Variants in GPATCH3 observed in about 807,000 individuals in gnomAD.
GPATCH3 encodes the protein G patch domain-containing protein 3.
GPATCH3 carries 45 observed loss-of-function variants against 53.2 expected under a neutral mutation model. The ratio of observed to expected loss-of-function variants is 0.85; its 90% CI spans 0.67 to 1.08. The LOEUF is 1.08. Ranked by LOEUF, GPATCH3 falls within the 50% of genes least tolerant of loss-of-function variation. GPATCH3 has a pLI of 0.00. For synonymous variants in GPATCH3, 280 were observed against 270.6 expected, an observed-to-expected ratio of 1.03 and a Z score of -0.34; for missense variants, 680 against 687.2, an observed-to-expected ratio of 0.99 and a Z score of 0.12.
At chr1:26,896,977 G>A (rs534840507) in intron 2 of GPATCH3, among the ~76,000 whole-genome samples, 63 of 150,650 alleles carry the variant, frequency 4.2e-4, no homozygotes, top group African/African-American at 1.5e-3. Context: ...AGCCGAGATC[G>A]TGCCACTGCA....
chr1:26,893,951 G>A (rs745824557), intron 3 of GPATCH3, among the ~76,000 whole-genome samples: 11 of 151,960 alleles, frequency 7.2e-5, no homozygotes, highest in Non-Finnish European at 1.0e-4. Context: ...TAAGTAGTTC[G>A]GACTACAGGC....
Position 26,900,026 on chromosome 1 carries a change from G to A in GPATCH3, c.417C>T (p.Leu139=). The change falls in exon 1 of 7, where the codon CTC becomes CTT. Residue 139 remains leucine (L), a synonymous_variant. Coordinates refer to ENST00000361720, the MANE Select transcript of GPATCH3 (RefSeq NM_022078.3). The part of the protein sequence containing the change: ...SHGTWLPGRC[L]IRRLRLPTEA... ...CCGTAGGTAGCCGAAGTCTGCGGAT[G>A]AGACAGCGACCCGGTAGCCAAGTCC... 6.2e-7 allele frequency: 1 copy of A among 1,614,184 alleles called. No homozygotes were observed. Among genetic ancestry groups the A allele is most frequent in the South Asian group, 1.1e-5 (1 of 91,082 alleles).
intron 6 of GPATCH3, 29 bp downstream of exon 6, chr1:26,892,382 C>A: frequency 1.2e-6 from 2 of 1,600,094 alleles, no homozygotes; most frequent in Non-Finnish European, 1.7e-6. Context: ...AGGCTTGGGC[C>A]CCCAGGGAAG....
rs1238378743 is a variant in GPATCH3, at chr1:26,900,292, G to T, written c.151C>A (p.His51Asn). Residue 51 changes from histidine (H) to asparagine (N), a missense_variant, in exon 1 of 7, where the codon CAT becomes AAT. By Grantham distance (68) the His-to-Asn change is moderately conservative. Coordinates refer to ENST00000361720, the MANE Select transcript of GPATCH3 (RefSeq NM_022078.3). ...TGCGGAGGGGCCCGCTCAGGCCGAT[G>T]CCGGTAGTGGAAACAGAGGAAGCCA... ...GGGFLCFHYRHRPERAPPQAA... is the reference protein window; with the variant it reads ...GGGFLCFHYRNRPERAPPQAA... 1 of 1,613,988 alleles carries T rather than the reference G, an allele frequency of 6.2e-7. No individual in the cohort carries two copies. The highest frequency in any genetic ancestry group is 1.7e-5 in the Admixed American group (1 of 60,018).
chr1:26,900,146 G>C lies in GPATCH3; in HGVS notation c.297C>G (p.Thr99=), dbSNP rs1444532094. 3.1e-6 allele frequency: 5 copies of C among 1,614,198 alleles called. No individual in the cohort carries two copies. Among genetic ancestry groups the C allele is most frequent in the Non-Finnish European group, 3.4e-6 (4 of 1,180,054 alleles). The change falls in exon 1 of 7, where the codon ACC becomes ACG. Residue 99 remains threonine, a synonymous_variant. Coordinates refer to ENST00000361720, the MANE Select transcript of GPATCH3 (RefSeq NM_022078.3). ...LSTRDSTPIQ[T]RTCCCVISVR... Reference sequence around the variant, plus strand: ...CCGAGATGACGCAGCAGCAGGTGCGGGTCTGGATTGGAGTAGAGTCTCGAG... The same window carrying C: ...CCGAGATGACGCAGCAGCAGGTGCGCGTCTGGATTGGAGTAGAGTCTCGAG...
Position 26,899,997 on chromosome 1 carries a change from G to A in GPATCH3, c.446C>T (p.Ala149Val), listed in dbSNP as rs1323418479. 1.9e-6 allele frequency: 3 copies of A among 1,613,872 alleles called. No homozygotes were observed. In the Admixed American group the frequency reaches 5.0e-5, roughly 27 times the overall value. ...ATTAACTTTCTCACTCTTACCTGAT[G>A]CCTCCGTAGGTAGCCGAAGTCTGCG... The part of the protein sequence containing the change: ...LIRRLRLPTE[A>V]SGLGSFPFKT... Residue 149 changes from alanine (A) to valine (V), a missense_variant, in exon 1 of 7, where the codon GCA (alanine) becomes GTA (valine). Ala to Val is a moderately conservative substitution (Grantham distance 64). Transcript: ENST00000361720.
chr1:26,890,939 G>A lies in GPATCH3; in HGVS notation c.*71C>T, dbSNP rs1222737074. ...GACTGCTGCTCCCAGACTCCTTTCTGCTTCAGTGGTAGATGAGGCCAGGGC... is the reference window on the plus strand; with the variant it reads ...GACTGCTGCTCCCAGACTCCTTTCTACTTCAGTGGTAGATGAGGCCAGGGC... On this transcript the variant is annotated 3_prime_UTR_variant, in exon 7 of 7. Coordinates refer to ENST00000361720, the MANE Select transcript of GPATCH3 (RefSeq NM_022078.3). 1 of 1,380,370 alleles carries A rather than the reference G, an allele frequency of 7.2e-7. No individual in the cohort carries two copies. Among genetic ancestry groups the A allele is most frequent in the Non-Finnish European group, 1.0e-6 (1 of 967,880 alleles). The allele number at this position is 1,380,370 out of a possible 1,614,324, so 85.5% of individuals were successfully genotyped here.
Position 26,892,433 on chromosome 1 carries a change from G to C in GPATCH3, c.1339C>G (p.Pro447Ala), listed in dbSNP as rs373553144. 8.7e-6 allele frequency: 14 copies of C among 1,613,518 alleles called. No homozygotes were observed. Among genetic ancestry groups the C allele is most frequent in the Non-Finnish European group, 1.2e-5 (14 of 1,179,800 alleles). ...PEALDSDGQHPRCKRGLGYHG... is the reference protein window; with the variant it reads ...PEALDSDGQHARCKRGLGYHG... The stretch of plus-strand genomic sequence containing the variant: ...TACCCCAATCCACGCTTGCATCTGG[G>C]GTGTTGGCCATCACTATCCAGGGCC... The change falls in exon 6 of 7, where the codon CCC becomes GCC. Residue 447 changes from proline to alanine, a missense_variant. Physicochemically the swap from Pro to Ala is conservative, Grantham distance 27. Coordinates refer to ENST00000361720, the MANE Select transcript of GPATCH3 (RefSeq NM_022078.3).
At chr1:26,894,460 C>T (rs772402002) in intron 2 of GPATCH3, 50 bp from the exon 3 acceptor site, 40 of 1,570,374 alleles carry the variant, frequency 2.5e-5, no homozygotes, top group South Asian at 2.3e-5. Context: ...CCTCATGCCC[C>T]GAGGGAGGGA....
Position 26,895,609 on chromosome 1 carries a change from G to A in GPATCH3, c.877-1199C>T, listed in dbSNP as rs541625245. On this transcript the variant is annotated intron_variant, in intron 2 of 6. Coordinates refer to ENST00000361720, the MANE Select transcript of GPATCH3 (RefSeq NM_022078.3). ...GTCAGGATGGTACCACACTAGGGAT[G>A]TGGTCCAGATGTCTTAGCAATCTTG... is the stretch of plus-strand genomic sequence containing the variant. 2.3e-3 allele frequency among the ~76,000 whole-genome samples: 350 copies of A among 150,826 alleles called. 1 individual carries two copies. The highest frequency in any genetic ancestry group is 8.1e-3 in the African/African-American group (333 of 41,190).
chr1:26,892,361 G>T (rs1373872228), intron 6 of GPATCH3, 50 bp downstream of exon 6: 5 of 1,588,688 alleles, frequency 3.1e-6, no homozygotes, highest in Non-Finnish European at 4.3e-6. Context: ...GGAAACCAGG[G>T]CATAGCTGAA....
At chr1:26,893,062 C>A (rs1570698871) in intron 4 of GPATCH3, among the ~76,000 whole-genome samples, 3 of 152,184 alleles carry the variant, frequency 2.0e-5, no homozygotes, top group Admixed American at 6.5e-5. Context: ...CTATTTCCCC[C>A]ACCCGGGTCA....
chr1:26,893,652 C>G (rs1382611446), intron 3 of GPATCH3, among the ~76,000 whole-genome samples: 1 of 149,284 alleles, frequency 6.7e-6, no homozygotes, highest in Non-Finnish European at 1.5e-5. Context: ...TCCCAAGTAG[C>G]TGGGACTACA....
chr1:26,895,642 GC>G (rs1557660365), intron 2 of GPATCH3, among the ~76,000 whole-genome samples: 1 of 150,448 alleles, frequency 6.6e-6, no homozygotes, highest in Non-Finnish European at 1.5e-5. Context: ...TTGGCTGGGA[GC>G]TTTTTTTTTT....
Position 26,890,725 on chromosome 1 carries a change from A to G in GPATCH3, c.*285T>C, listed in dbSNP as rs529989728. 1.5e-5 allele frequency: 9 copies of G among 610,496 alleles called. No homozygotes were observed. In the African/African-American group the frequency reaches 1.6e-4, roughly 11 times the overall value. The allele number at this position is 610,496 out of a possible 1,614,324, so 37.8% of individuals were successfully genotyped here. On this transcript the variant is annotated 3_prime_UTR_variant, in exon 7 of 7. Transcript: ENST00000361720. Reference sequence around the variant, plus strand: ...CTGTGCTGATAGCCTCACTCAACCCAGCTTTTCAAAGTTCTGCAGGAGGCA... The same window carrying G: ...CTGTGCTGATAGCCTCACTCAACCCGGCTTTTCAAAGTTCTGCAGGAGGCA...
Position 26,890,922 on chromosome 1 carries a change from C to T in GPATCH3, c.*88G>A. 1 of 1,238,596 alleles carries T rather than the reference C, an allele frequency of 8.1e-7. No individual in the cohort carries two copies. The highest frequency in any genetic ancestry group is 1.7e-5 in the Admixed American group (1 of 59,386). 76.7% of individuals were successfully genotyped at this position (1,238,596 alleles called of 1,614,324 possible). ...CCTGAACCAGCCACGAAGACTGCTGCTCCCAGACTCCTTTCTGCTTCAGTG... is the reference window on the plus strand; with the variant it reads ...CCTGAACCAGCCACGAAGACTGCTGTTCCCAGACTCCTTTCTGCTTCAGTG... On this transcript the variant is annotated 3_prime_UTR_variant, in exon 7 of 7. Coordinates refer to ENST00000361720, the MANE Select transcript of GPATCH3 (RefSeq NM_022078.3).
In GPATCH3 at chr1:26,900,140, G is replaced by A; in HGVS notation, c.303C>T (p.Thr101=). Residue 101 remains threonine, a synonymous_variant, in exon 1 of 7, where the codon ACC becomes ACT. Coordinates refer to ENST00000361720, the MANE Select transcript of GPATCH3 (RefSeq NM_022078.3). The part of the protein sequence containing the change: ...TRDSTPIQTR[T]CCCVISVRGL... Reference sequence around the variant, plus strand: ...CCCTTACCGAGATGACGCAGCAGCAGGTGCGGGTCTGGATTGGAGTAGAGT... The same window carrying A: ...CCCTTACCGAGATGACGCAGCAGCAAGTGCGGGTCTGGATTGGAGTAGAGT... 1 of 1,614,204 alleles carries A rather than the reference G, an allele frequency of 6.2e-7. No homozygotes were observed. The highest frequency in any genetic ancestry group is 8.5e-7 in the Non-Finnish European group (1 of 1,180,042).
rs1295674767 is a variant in GPATCH3 at position 26,900,414 on chromosome 1, T to G, written c.29A>C (p.Glu10Ala). ...GCTCACTACCAGGTAAACTGTCGCCTCCTCCTCCGCCTCGCCGGGCACCGC... is the reference window on the plus strand; with the variant it reads ...GCTCACTACCAGGTAAACTGTCGCCGCCTCCTCCGCCTCGCCGGGCACCGC... The part of the protein sequence containing the change: MAVPGEAEE[E>A]ATVYLVVSGI... The change falls in exon 1 of 7, where the codon GAG becomes GCG. Residue 10 changes from glutamate (E) to alanine (A), a missense_variant. Transcript: ENST00000361720. The G allele has an allele frequency of 1.9e-6, 3 of 1,610,762 alleles. No homozygotes were observed. The highest frequency in any genetic ancestry group is 1.7e-6 in the Non-Finnish European group (2 of 1,177,818).
Position 26,890,500 on chromosome 1 carries a change from C to T in GPATCH3, c.*510G>A, listed in dbSNP as rs879823661. ...AAAGTAAGGGAGCTCCAGTAGTAAA[C>T]GTCTTTATTCTTCCGTGACGTCGCA... On this transcript the variant is annotated 3_prime_UTR_variant, in exon 7 of 7. Transcript: ENST00000361720. 2.1e-5 allele frequency: 6 copies of T among 291,122 alleles called. No individual in the cohort carries two copies. Among genetic ancestry groups the T allele is most frequent in the Admixed American group, 1.9e-4 (4 of 20,730 alleles). The allele number at this position is 291,122 out of a possible 1,614,324, so 18.0% of individuals were successfully genotyped here. A position where few individuals can be genotyped will look rare whatever the true frequency, so the allele number is the denominator to read the frequency against.
Sources: allele counts gnomAD v4.1 joint callset (sites outside exome capture counted in the v4.1 genomes callset), GRCh38; gene constraint gnomAD v4.1.1; transcripts MANE v1.5; gene names NCBI Gene and HGNC (gene_info 2026-07-23, HGNC 2026-07-21).